Variants in UNC13C observed in about 807,000 individuals in gnomAD.
UNC13C encodes the protein protein unc-13 homolog C.
A neutral mutation model predicts 245.4 loss-of-function variants in UNC13C; 174 were observed. That is an observed-to-expected ratio of 0.71 (90% confidence interval 0.63 to 0.80). The LOEUF (loss-of-function observed/expected upper bound fraction) is 0.80. Ranked by LOEUF, UNC13C falls within the 30% of genes least tolerant of loss-of-function variation. The pLI, the probability that UNC13C is intolerant of heterozygous loss-of-function variation, is 0.00. For synonymous variants in UNC13C, 992 were observed against 895.1 expected, an observed-to-expected ratio of 1.11 and a Z score of -1.93; for missense variants, 2,829 against 2,602.9, an observed-to-expected ratio of 1.09 and a Z score of -1.89.
chr15:54,064,147 C>T (rs372560737), intron 2 of UNC13C, among the ~76,000 whole-genome samples: 88 of 151,858 alleles, frequency 5.8e-4, no homozygotes, highest in East Asian at 7.7e-4. Flanking sequence ...ATTACTCTCA[C>T]GAAAGATACT....
At chr15:54,353,798 A>G (rs2039035964) in intron 17 of UNC13C, among the ~76,000 whole-genome samples, 1 of 152,168 alleles carries the variant, frequency 6.6e-6, no homozygotes, top group African/African-American at 2.4e-5. Flanking sequence ...CCAGGCCTGT[A>G]AATGTTAGAA....
chr15:54,472,448 CT>C (rs764715324), intron 19 of UNC13C, among the ~76,000 whole-genome samples: 4 of 151,662 alleles, frequency 2.6e-5, no homozygotes, highest in Non-Finnish European at 5.9e-5. Flanking sequence ...AAAGTGCTTA[CT>C]TTTACCAGTA....
intron 1 of UNC13C, among the ~76,000 whole-genome samples, chr15:53,993,616 T>C (rs1487722156): frequency 6.6e-6 from 1 of 152,066 alleles, no homozygotes; most frequent in Non-Finnish European, 1.5e-5. Context: ...ATTCAGAAAG[T>C]GTATGCACTG....
intron 17 of UNC13C, among the ~76,000 whole-genome samples, chr15:54,370,088 G>A (rs999117315): frequency 3.3e-5 from 5 of 152,050 alleles, no homozygotes; most frequent in Non-Finnish European, 5.9e-5. Context: ...TCGAGCCAAC[G>A]CTTGGCATTT....
At chr15:54,195,273 C>T (rs2034316515) in intron 4 of UNC13C, among the ~76,000 whole-genome samples, 1 of 152,178 alleles carries the variant, frequency 6.6e-6, no homozygotes, top group African/African-American at 2.4e-5. Context: ...CCCTACACCC[C>T]TGTTTACATC....
At chr15:54,060,668 C>T (rs8026835) in intron 2 of UNC13C, among the ~76,000 whole-genome samples, 98,281 of 146,622 alleles carry the variant, frequency 0.67, 32,760 homozygotes, top group African/African-American at 0.76. Context: ...CACATGCACA[C>T]GTATGTTTAT....
At chr15:54,494,361 T>G (rs1893858115) in intron 19 of UNC13C, among the ~76,000 whole-genome samples, 1 of 152,144 alleles carries the variant, frequency 6.6e-6, no homozygotes, top group South Asian at 2.1e-4. Context: ...ACTTTTCACA[T>G]TTTTCAGTAA....
intron 30 of UNC13C, among the ~76,000 whole-genome samples, chr15:54,597,593 G>A (rs1422849057): frequency 1.3e-5 from 2 of 152,130 alleles, no homozygotes; most frequent in Admixed American, 1.3e-4. Flanking sequence ...AGTACCCGCT[G>A]TGTAAAACAT....
chr15:53,896,621 C>G, the UNC13C span, among the ~76,000 whole-genome samples: 1 of 152,108 alleles, frequency 6.6e-6, no homozygotes, highest in African/African-American at 2.4e-5. Context: ...CACTCCATCC[C>G]TCTTCCTTAA....
Position 54,293,955 on chromosome 15 carries a change from T to C in UNC13C, c.3879T>C (p.Ile1293=). 4 of 1,591,694 alleles carry C rather than the reference T, an allele frequency of 2.5e-6. No individual in the cohort carries two copies. Among genetic ancestry groups the C allele is most frequent in the Non-Finnish European group, 3.4e-6 (4 of 1,170,288 alleles). The part of the protein sequence containing the change: ...KVRVWDEDDD[I]KSRVKQHFKK... ...GAGTATGGGATGAAGATGATGATAT[T>C]AAATCCAGAGTCAAGCAACATTTCA... The change falls in exon 11 of 33, where the codon ATT becomes ATC. Residue 1293 remains isoleucine (I), a synonymous_variant. Transcript: ENST00000260323.
chr15:54,565,605 T>TTCTG (rs1897477953), intron 29 of UNC13C, among the ~76,000 whole-genome samples: 1 of 152,026 alleles, frequency 6.6e-6, no homozygotes, highest in South Asian at 2.1e-4. Context: ...CCAGGTAAGA[T>TTCTG]GTTACTACTG....
rs28465574 is a variant in UNC13C at position 54,097,772 on chromosome 15, T to C, written c.2984-45246T>C. On this transcript the variant is annotated intron_variant, in intron 2 of 32. Coordinates refer to ENST00000260323, the MANE Select transcript of UNC13C (RefSeq NM_001080534.3). ...GGTTAACTGTGTGTAGTTATGTGAC[T>C]GATATTCTTAGATGATTGATCGCTA... Among the ~76,000 whole-genome samples the C allele has an allele frequency of 7.9e-3, 1,196 of 152,310 alleles. 14 individuals are homozygous for C. Among genetic ancestry groups the C allele is most frequent in the African/African-American group, 0.028 (1,148 of 41,560 alleles).
At chr15:54,468,313 T>G (rs1486063448) in intron 19 of UNC13C, among the ~76,000 whole-genome samples, 1 of 151,756 alleles carries the variant, frequency 6.6e-6, no homozygotes, top group East Asian at 1.9e-4. Flanking sequence ...TTATTGTTAT[T>G]GAGTTGTTTG....
At chr15:54,511,933 A>G in intron 24 of UNC13C, 103 bp downstream of exon 24, 1 of 753,230 alleles carries the variant, frequency 1.3e-6, no homozygotes, top group Non-Finnish European at 2.3e-6. Flanking sequence ...TACATGGTTA[A>G]CTAAGAACAG....
At chr15:54,574,522 A>G (rs868064465) in intron 30 of UNC13C, among the ~76,000 whole-genome samples, 2 of 152,202 alleles carry the variant, frequency 1.3e-5, no homozygotes, top group Middle Eastern at 3.2e-3. Context: ...AGTTTTTTCA[A>G]TGAATAACAC....
intron 19 of UNC13C, among the ~76,000 whole-genome samples, chr15:54,435,694 G>T (rs2140982148): frequency 6.6e-6 from 1 of 151,324 alleles, no homozygotes; most frequent in African/African-American, 2.4e-5. Context: ...TAACAAAACT[G>T]CACGTTAGGC....
intron 24 of UNC13C, among the ~76,000 whole-genome samples, chr15:54,513,266 C>T (rs1894830785): frequency 6.6e-6 from 1 of 152,140 alleles, no homozygotes; most frequent in Non-Finnish European, 1.5e-5. Flanking sequence ...GAAATATTAT[C>T]TCCTTCCTAT....
At chr15:54,615,651 C>G (rs188900917) in intron 30 of UNC13C, among the ~76,000 whole-genome samples, 1 of 152,030 alleles carries the variant, frequency 6.6e-6, no homozygotes, top group Non-Finnish European at 1.5e-5. Flanking sequence ...TAGATAATGA[C>G]TGTCTACATC....
chr15:54,462,034 G>A (rs1891873461), intron 19 of UNC13C, among the ~76,000 whole-genome samples: 1 of 152,172 alleles, frequency 6.6e-6, no homozygotes. Flanking sequence ...AGTCAGCAGA[G>A]TTGTATGTTT....
Sources: allele counts gnomAD v4.1 joint callset (sites outside exome capture counted in the v4.1 genomes callset), GRCh38; gene constraint gnomAD v4.1.1; transcripts MANE v1.5; gene names NCBI Gene and HGNC (gene_info 2026-07-23, HGNC 2026-07-21).